ARID4A: variants seen among roughly 807,000 people sequenced by gnomAD.
The protein encoded by ARID4A is AT-rich interactive domain-containing protein 4A.
A neutral mutation model predicts 148.6 loss-of-function variants in ARID4A; 39 were observed. That is an observed-to-expected ratio of 0.26 (90% confidence interval 0.20 to 0.34). ARID4A has a LOEUF of 0.34. ARID4A is among the 10% of genes least tolerant of loss of function. ARID4A has a pLI of 1.00. For missense variants in ARID4A, 1,265 were observed against 1,449.1 expected, an observed-to-expected ratio of 0.87 and a Z score of 2.06; for synonymous variants, 475 against 481.2, an observed-to-expected ratio of 0.99 and a Z score of 0.17.
chr14:58,335,829 C>T (rs974461965), intron 11 of ARID4A, among the ~76,000 whole-genome samples: 1 of 152,184 alleles, frequency 6.6e-6, no homozygotes, highest in African/African-American at 2.4e-5. Flanking sequence ...TTCTCTTCTA[C>T]CTGCTCGAAT....
chr14:58,306,611 C>G (rs970444352), intron 5 of ARID4A, among the ~76,000 whole-genome samples: 5 of 152,178 alleles, frequency 3.3e-5, no homozygotes, highest in African/African-American at 1.2e-4. Flanking sequence ...GGCATGTTGG[C>G]TCATGCCTGT....
At chr14:58,329,677 T>G in intron 10 of ARID4A, 73 bp downstream of exon 10, 1 of 1,260,018 alleles carries the variant, frequency 7.9e-7, no homozygotes, top group Admixed American at 1.7e-5. Context: ...AAAGCAAGAC[T>G]GATACTCTCT....
Position 58,315,254 on chromosome 14 carries a change from A to C in ARID4A, c.275-3288A>C, listed in dbSNP as rs575316921. Among the ~76,000 whole-genome samples, 34 of 152,270 alleles carry C rather than the reference A, an allele frequency of 2.2e-4. No individual in the cohort carries two copies. In the South Asian group the frequency reaches 4.3e-3, roughly 19 times the overall value. On this transcript the variant is annotated intron_variant, in intron 5 of 23. Transcript: ENST00000355431. Reference sequence around the variant, plus strand: ...TCTCTTTTTTTAAAAAAAAATTTCTATCCATGATAAGGTATATTTAAGTGA... The same window carrying C: ...TCTCTTTTTTTAAAAAAAAATTTCTCTCCATGATAAGGTATATTTAAGTGA...
intron 11 of ARID4A, among the ~76,000 whole-genome samples, chr14:58,341,920 A>G (rs891194717): frequency 9.2e-5 from 14 of 152,170 alleles, no homozygotes; most frequent in South Asian, 2.1e-4. Context: ...GTGGACCTCT[A>G]CCTCCCATTC....
chr14:58,305,480 A>G (rs2031532321), intron 4 of ARID4A, among the ~76,000 whole-genome samples: 2 of 152,130 alleles, frequency 1.3e-5, no homozygotes, highest in African/African-American at 2.4e-5. Context: ...CTGTTATATC[A>G]GAGTACCACT....
At chr14:58,304,814 G>T in intron 3 of ARID4A, 130 bp from the exon 4 acceptor site, 4 of 719,488 alleles carry the variant, frequency 5.6e-6, no homozygotes, top group Non-Finnish European at 7.1e-6. Context: ...AATGTAATAA[G>T]TATTACATTA....
chr14:58,330,536 A>AG (rs1459196023), intron 11 of ARID4A, among the ~76,000 whole-genome samples: 1 of 152,182 alleles, frequency 6.6e-6, no homozygotes, highest in East Asian at 1.9e-4. Context: ...CCTACTTTAA[A>AG]GGTAAGGAAA....
rs554726684 is a variant in ARID4A, at chr14:58,353,274, T to C, written c.1656-384T>C. ...GAATTTTTTCAGAGCATATTTTTCT[T>C]ATTTTGTTTTGTCAAAAGTGATTGA... is the stretch of plus-strand genomic sequence containing the variant. On this transcript the variant is annotated intron_variant, in intron 16 of 23. Transcript: ENST00000355431. 2.0e-5 allele frequency among the ~76,000 whole-genome samples: 3 copies of C among 152,330 alleles called. No homozygotes were observed. The South Asian group carries it at 6.2e-4, about 32-fold the overall frequency.
chr14:58,316,800 G>A (rs963324702), intron 5 of ARID4A, among the ~76,000 whole-genome samples: 4 of 152,002 alleles, frequency 2.6e-5, no homozygotes, highest in Non-Finnish European at 4.4e-5. Context: ...GGCAGGTCTC[G>A]AACTCCCGAC....
At chr14:58,316,690 C>T (rs1195690156) in intron 5 of ARID4A, among the ~76,000 whole-genome samples, 1 of 152,090 alleles carries the variant, frequency 6.6e-6, no homozygotes, top group Non-Finnish European at 1.5e-5. Flanking sequence ...AAGAGATTCT[C>T]CTGCCTCAGC....
chr14:58,336,927 C>T (rs1363437881), intron 11 of ARID4A, among the ~76,000 whole-genome samples: 5 of 150,456 alleles, frequency 3.3e-5, no homozygotes, highest in African/African-American at 7.3e-5. Context: ...AGTCTCACTC[C>T]GTCACTCAGA....
At chr14:58,309,820 TGTA>T in intron 5 of ARID4A, among the ~76,000 whole-genome samples, 1 of 152,246 alleles carries the variant, frequency 6.6e-6, no homozygotes, top group East Asian at 1.9e-4. Context: ...TTTTGTACCT[TGTA>T]GTTACTGTTT....
rs2035678694 is a variant in ARID4A, at chr14:58,373,220, G to C, written c.*1231G>C. ...GAATGAATTTATATCTCCCAAAGTT[G>C]AGATGCAACAACTAAGTAAAGCAAC... On this transcript the variant is annotated 3_prime_UTR_variant, in exon 24 of 24. Coordinates refer to ENST00000355431, the MANE Select transcript of ARID4A (RefSeq NM_002892.4). 1 of 198,864 alleles carries C rather than the reference G, an allele frequency of 5.0e-6. No homozygotes were observed. Among genetic ancestry groups the C allele is most frequent in the Admixed American group, 6.0e-5 (1 of 16,538 alleles). The allele number at this position is 198,864 out of a possible 1,614,324, so 12.3% of individuals were successfully genotyped here.
At chr14:58,310,803 A>G (rs988582130) in intron 5 of ARID4A, among the ~76,000 whole-genome samples, 1 of 151,932 alleles carries the variant, frequency 6.6e-6, no homozygotes, top group African/African-American at 2.4e-5. Flanking sequence ...AATAGCTTCC[A>G]CACAGCAAAA....
intron 2 of ARID4A, among the ~76,000 whole-genome samples, chr14:58,300,308 TTTGAAG>T (rs1429919966): frequency 2.6e-5 from 4 of 152,318 alleles, no homozygotes; most frequent in African/African-American, 4.8e-5. Context: ...GGCTAAAATA[TTTGAAG>T]TTGAAGTATA....
At chr14:58,303,667 G>T in intron 3 of ARID4A, 1 of 399,160 alleles carries the variant, frequency 2.5e-6, no homozygotes. Flanking sequence ...ATTCCTAAAG[G>T]GTCCCTCCAG....
chr14:58,330,084 C>T lies in ARID4A; in HGVS notation c.821C>T (p.Ser274Leu), dbSNP rs776738597. 2.5e-6 allele frequency: 4 copies of T among 1,613,166 alleles called. No individual in the cohort carries two copies. The highest frequency in any genetic ancestry group is 3.4e-6 in the Non-Finnish European group (4 of 1,179,756). ...ATGGATATAAGTGAAATCCTTGAGT[C>T]ATCCAGTAGTGATGATGAAGATGGC... Reference protein sequence around the residue: ...WKMDISEILESSSSDDEDGPA... With the variant: ...WKMDISEILELSSSDDEDGPA... Residue 274 changes from serine (S) to leucine (L), a missense_variant, in exon 11 of 24, where the codon TCA becomes TTA. This residue lies in a region of ARID4A where 249 missense variants were observed against 277.2 expected (regional missense o/e 0.90). Coordinates refer to ENST00000355431, the MANE Select transcript of ARID4A (RefSeq NM_002892.4).
Position 58,365,276 on chromosome 14 carries a change from CAA to C in ARID4A, c.3188_3189del (p.Gln1063ArgfsTer14), listed in dbSNP as rs773336158. On this transcript the variant is annotated frameshift_variant, in exon 20 of 24. Transcript: ENST00000355431. LOFTEE classifies it high-confidence loss of function. ...VASGTCSIIV[Q>X]ERESREKGQK... Reference sequence around the variant, plus strand: ...CTCTGGTACCTGTAGTATAATTGTACAAGAGAGAGAGAGCAGAGAGAAGGGTA... The same window carrying C: ...CTCTGGTACCTGTAGTATAATTGTACGAGAGAGAGAGCAGAGAGAAGGGTA... 6 of 1,613,072 alleles carry C rather than the reference CAA, an allele frequency of 3.7e-6. No individual in the cohort carries two copies. Among genetic ancestry groups the C allele is most frequent in the South Asian group, 1.1e-5 (1 of 90,920 alleles).
intron 8 of ARID4A, among the ~76,000 whole-genome samples, chr14:58,324,402 A>G (rs975466326): frequency 1.3e-5 from 2 of 152,036 alleles, no homozygotes; most frequent in African/African-American, 4.8e-5. Context: ...CAGCCTCCCA[A>G]GCAGCTACAA....
Sources: allele counts gnomAD v4.1 joint callset (sites outside exome capture counted in the v4.1 genomes callset), GRCh38; gene constraint gnomAD v4.1.1; regional missense constraint gnomAD v4.1.1; transcripts MANE v1.5; gene names NCBI Gene and HGNC (gene_info 2026-07-23, HGNC 2026-07-21).